The following DZIP1L variants were observed in gnomAD, a reference collection of about 807,000 sequenced individuals.
DZIP1L encodes the protein cilium assembly protein DZIP1L.
A neutral mutation model predicts 88.7 loss-of-function variants in DZIP1L; 90 were observed. The ratio of observed to expected loss-of-function variants is 1.02; its 90% confidence interval spans 0.86 to 1.21. The LOEUF is 1.21. Among genes scored for constraint, DZIP1L ranks in the 50% most tolerant of loss-of-function variants. The pLI, the probability that DZIP1L is intolerant of heterozygous loss-of-function variation, is 0.00. For missense variants in DZIP1L, 932 were observed against 955.8 expected (o/e 0.98, Z 0.33); for synonymous variants, 363 against 372.1 (o/e 0.98, Z 0.28).
At chr3:138,072,973 G>A (rs1324531287) in intron 11 of DZIP1L, among the ~76,000 whole-genome samples, 1 of 152,130 alleles carries the variant, frequency 6.6e-6, no homozygotes. Flanking sequence ...AACTCCATTG[G>A]ACTGGGAACA....
At chr3:138,106,559 C>T (rs1040066886) in intron 1 of DZIP1L, among the ~76,000 whole-genome samples, 7 of 151,984 alleles carry the variant, frequency 4.6e-5, no homozygotes, top group African/African-American at 1.7e-4. Context: ...CTAGGCTGGG[C>T]GCAGTGGCTC....
intron 1 of DZIP1L, among the ~76,000 whole-genome samples, chr3:138,105,926 T>C (rs867876289): frequency 1.3e-5 from 2 of 152,044 alleles, no homozygotes; most frequent in African/African-American, 4.8e-5. Context: ...AAAATAGAGA[T>C]TACAGGACTT....
Position 138,084,331 on chromosome 3 carries a change from T to G in DZIP1L, c.1063-78A>C. Reference sequence around the variant, plus strand: ...GCCTGGTGTCTGCAGGCTCAGCACCTGTAGGCAAGTGCCAGGCAAGCACAG... The same window carrying G: ...GCCTGGTGTCTGCAGGCTCAGCACCGGTAGGCAAGTGCCAGGCAAGCACAG... On this transcript the variant is annotated intron_variant, in intron 7 of 15. Coordinates refer to ENST00000327532, the MANE Select transcript of DZIP1L (RefSeq NM_173543.3). 4.6e-6 allele frequency: 7 copies of G among 1,527,334 alleles called. 1 individual carries two copies. The highest frequency in any genetic ancestry group is 3.9e-5 in the South Asian group (3 of 77,886). 94.6% of individuals were successfully genotyped at this position (1,527,334 alleles called of 1,614,324 possible). A position where few individuals can be genotyped will look rare whatever the true frequency, so the allele number is the denominator to read the frequency against.
In DZIP1L at chr3:138,067,707, C is replaced by G. The variant is rs200767809; in HGVS notation, c.1833-7G>C. The G allele has an allele frequency of 1.3e-4, 193 of 1,537,390 alleles. No homozygotes were observed. Among genetic ancestry groups the G allele is most frequent in the Non-Finnish European group, 1.6e-4 (180 of 1,144,412 alleles). On this transcript the variant is annotated splice_polypyrimidine_tract_variant and splice_region_variant and intron_variant, in intron 13 of 15. Transcript: ENST00000327532. ...AGAACTGAACGGGGGCGTGCTGCCA[C>G]GAGGAGGAGAAGAAATGAGGGATGC...
chr3:138,083,451 G>A (rs545877831), intron 8 of DZIP1L, among the ~76,000 whole-genome samples: 1 of 152,212 alleles, frequency 6.6e-6, no homozygotes, highest in Non-Finnish European at 1.5e-5. Context: ...CCACAGACCT[G>A]GGGCTCTGGA....
intron 2 of DZIP1L, chr3:138,102,956 C>G (rs895334609): frequency 1.6e-5 from 8 of 510,360 alleles, no homozygotes; most frequent in African/African-American, 1.4e-4. Context: ...CTGAACCAGG[C>G]GGAGATTCCA....
chr3:138,113,515 C>A (rs548280747), intron 1 of DZIP1L: 1 of 152,318 alleles, frequency 6.6e-6, no homozygotes, highest in East Asian at 1.9e-4. Context: ...GCAGTGCCCA[C>A]TGGGGGAGCT....
intron 12 of DZIP1L, chr3:138,068,867 C>T: frequency 1.7e-6 from 2 of 1,211,114 alleles, no homozygotes; most frequent in Non-Finnish European, 2.1e-6. Flanking sequence ...GACACAGCCC[C>T]TCTGTTTTCC....
intron 5 of DZIP1L, among the ~76,000 whole-genome samples, chr3:138,091,681 G>GAGGAAGGA (rs746066267): frequency 2.0e-5 from 1 of 50,058 alleles, no homozygotes; most frequent in African/African-American, 5.5e-5. Flanking sequence ...GAGAGGGAGG[G>GAGGAAGGA]AGGAAGGAAG....
At chr3:138,075,825 G>A (rs1943380097) in intron 11 of DZIP1L, among the ~76,000 whole-genome samples, 1 of 152,146 alleles carries the variant, frequency 6.6e-6, no homozygotes, top group South Asian at 2.1e-4. Context: ...TGGGTGGGGT[G>A]GCACGTGCCT....
intron 1 of DZIP1L, chr3:138,112,539 T>G (rs1178496238): frequency 1.3e-5 from 2 of 152,120 alleles, no homozygotes; most frequent in African/African-American, 2.4e-5. Context: ...AATGAGAGTG[T>G]TGCATGTTAC....
chr3:138,094,893 T>C lies in DZIP1L; in HGVS notation c.677A>G (p.Gln226Arg), dbSNP rs1944397012. The C allele has an allele frequency of 2.5e-6, 4 of 1,614,260 alleles. No individual in the cohort carries two copies. The highest frequency in any genetic ancestry group is 3.4e-6 in the Non-Finnish European group (4 of 1,180,054). Reference sequence around the variant, plus strand: ...CTGCCGCTGCCTCTCCGCCTCCCTCTGGGCTTCCAGCTCCCCTTGGGTCCA... The same window carrying C: ...CTGCCGCTGCCTCTCCGCCTCCCTCCGGGCTTCCAGCTCCCCTTGGGTCCA... ...LKWTQGELEA[Q>R]REAERQRQLQ... Residue 226 changes from glutamine (Q) to arginine (R), a missense_variant, in exon 4 of 16, where the codon CAG becomes CGG. By Grantham distance (43) the Gln-to-Arg change is conservative (BLOSUM62 1). Coordinates refer to ENST00000327532, the MANE Select transcript of DZIP1L (RefSeq NM_173543.3).
intron 2 of DZIP1L, among the ~76,000 whole-genome samples, chr3:138,099,834 C>G (rs1285708570): frequency 6.6e-6 from 1 of 152,164 alleles, no homozygotes; most frequent in Non-Finnish European, 1.5e-5. Context: ...CATCAGGTGC[C>G]CAGTCTTGAA....
chr3:138,097,943 C>T (rs1466298651), intron 2 of DZIP1L, 96 bp from the exon 3 acceptor site: 1 of 1,002,892 alleles, frequency 1.0e-6, no homozygotes, highest in Non-Finnish European at 1.5e-6. Context: ...CTTGGGACCC[C>T]TGGGCTGCTT....
rs192465826 is a variant in DZIP1L, at chr3:138,080,711, C to T, written c.1235-91G>A. ...TACAGAACCCCAGCTGAGTATGAGC[C>T]AGAAAGAGAAAACCCTCCAGTCAGT... is the stretch of plus-strand genomic sequence containing the variant. On this transcript the variant is annotated intron_variant, in intron 9 of 15. Transcript: ENST00000327532. 599 of 1,388,694 alleles carry T rather than the reference C, an allele frequency of 4.3e-4. 1 individual carries two copies. In the African/African-American group the frequency reaches 7.8e-3, roughly 18 times the overall value. 86.0% of individuals were successfully genotyped at this position (1,388,694 alleles called of 1,614,324 possible). A position where few individuals can be genotyped will look rare whatever the true frequency, so the allele number is the denominator to read the frequency against.
intron 2 of DZIP1L, among the ~76,000 whole-genome samples, chr3:138,101,115 A>G (rs903997379): frequency 7.9e-5 from 12 of 152,056 alleles, no homozygotes; most frequent in African/African-American, 2.4e-4. Context: ...CCTTAGACAC[A>G]TATACATCCT....
chr3:138,068,294 T>A lies in DZIP1L; in HGVS notation c.1689A>T (p.Pro563=). Residue 563 remains proline, a synonymous_variant, in exon 13 of 16, where the codon CCA becomes CCT. Transcript: ENST00000327532. ...GTGGGGGTGGCTCTGCCGGTGTGGA[T>A]GGCAAGGCCACCTGCAGGGTCCTGG... ...PKTRTLQVAL[P]STPAEPPPPT... is the part of the protein sequence containing the mutation. 6.3e-7 allele frequency: 1 copy of A among 1,595,748 alleles called. No homozygotes were observed. Among genetic ancestry groups the A allele is most frequent in the South Asian group, 1.1e-5 (1 of 88,172 alleles).
intron 6 of DZIP1L, among the ~76,000 whole-genome samples, chr3:138,088,158 T>C (rs1377792425): frequency 6.6e-6 from 1 of 152,188 alleles, no homozygotes; most frequent in Non-Finnish European, 1.5e-5. Context: ...GACAGAGTTG[T>C]ATGTATTTTT....
intron 7 of DZIP1L, among the ~76,000 whole-genome samples, chr3:138,084,467 C>T (rs182792809): frequency 1.3e-3 from 196 of 152,180 alleles, no homozygotes; most frequent in African/African-American, 4.5e-3. Context: ...GCCTTTAAGA[C>T]CAGGAGAGAA....
Sources: allele counts gnomAD v4.1 joint callset (sites outside exome capture counted in the v4.1 genomes callset), GRCh38; gene constraint gnomAD v4.1.1; transcripts MANE v1.5; gene names NCBI Gene and HGNC (gene_info 2026-07-23, HGNC 2026-07-21).